GPA33: variants seen among roughly 807,000 people sequenced by gnomAD.
GPA33 encodes cell surface A33 antigen.
GPA33 carries 27 observed loss-of-function variants against 35.6 expected under a neutral mutation model. The ratio of observed to expected loss-of-function variants is 0.76; its 90% confidence interval spans 0.56 to 1.04. The LOEUF (loss-of-function observed/expected upper bound fraction) is 1.04, where lower values mean the gene tolerates loss of function less well. GPA33 is among the 50% of genes least tolerant of loss of function. GPA33 has a pLI of 0.00. For synonymous variants in GPA33, 176 were observed against 164.0 expected (o/e 1.07, Z -0.56); for missense variants, 428 against 411.9 (o/e 1.04, Z -0.34).
intron 4 of GPA33, among the ~76,000 whole-genome samples, chr1:167,056,599 G>T (rs202240829): frequency 0.049 from 4 of 82 alleles, no homozygotes; most frequent in Non-Finnish European, 0.069. Context: ...ATGTGTGTAT[G>T]TGGTGTGTGT....
chr1:167,068,067 T>C (rs937693397), intron 3 of GPA33, among the ~76,000 whole-genome samples: 2 of 152,004 alleles, frequency 1.3e-5, no homozygotes, highest in African/African-American at 4.8e-5. Flanking sequence ...AATAAAAATA[T>C]CTTAATTATT....
chr1:167,061,388 G>T (rs1230246543), intron 4 of GPA33, among the ~76,000 whole-genome samples: 2 of 152,242 alleles, frequency 1.3e-5, no homozygotes, highest in African/African-American at 4.8e-5. Context: ...GACCATGGCT[G>T]GAGTCACTAG....
chr1:167,060,521 A>T (rs530418679), intron 4 of GPA33, among the ~76,000 whole-genome samples: 82 of 152,342 alleles, frequency 5.4e-4, no homozygotes, highest in African/African-American at 1.9e-3. Flanking sequence ...GCAGGTCCCC[A>T]TTCTGACTCA....
chr1:167,056,615 G>GTATGTGTAGAGTGTGTAGTGTGTGGTGTA (rs1251146663), intron 4 of GPA33, among the ~76,000 whole-genome samples: 12 of 136,254 alleles, frequency 8.8e-5, no homozygotes, highest in East Asian at 2.3e-4. Flanking sequence ...TGTGTAGTGT[G>GTATGTGTAGAGTGTGTAGTGTGTGGTGTA]TGTGGTGAGT....
chr1:167,056,610 A>ATGGC (rs1558001657), intron 4 of GPA33, among the ~76,000 whole-genome samples: 32 of 506 alleles, frequency 0.063, no homozygotes, highest in East Asian at 0.14. Context: ...TGGTGTGTGT[A>ATGGC]GTGTGTGTGG....
intron 4 of GPA33, 22 bp downstream of exon 4, chr1:167,063,560 G>A (rs772500496): frequency 1.5e-5 from 24 of 1,582,438 alleles, no homozygotes; most frequent in East Asian, 2.3e-5. Context: ...TGGGGAGCCC[G>A]CCTTCCCTAC....
chr1:167,065,731 T>C (rs886467414), intron 3 of GPA33, among the ~76,000 whole-genome samples: 1 of 152,176 alleles, frequency 6.6e-6, no homozygotes, highest in Admixed American at 6.5e-5. Flanking sequence ...CATCTCCTGC[T>C]GCCATAGTGA....
In GPA33 at chr1:167,075,424, T is replaced by G. The variant is rs537517279; in HGVS notation, c.44-1885A>C. ...CAATGGGATTTGACTGCAGGCTACA[T>G]TTGGCGTGTTAGAGGAAAACAGGAG... On this transcript the variant is annotated intron_variant, in intron 1 of 6. Transcript: ENST00000367868. 2.0e-5 allele frequency among the ~76,000 whole-genome samples: 3 copies of G among 152,232 alleles called. No individual in the cohort carries two copies. In the South Asian group the frequency reaches 6.2e-4, roughly 32 times the overall value.
intron 1 of GPA33, among the ~76,000 whole-genome samples, chr1:167,086,560 G>A (rs1316743313): frequency 6.6e-6 from 1 of 152,238 alleles, no homozygotes; most frequent in Non-Finnish European, 1.5e-5. Flanking sequence ...GCACTTCAGA[G>A]CAGACAAGTG....
chr1:167,054,255 C>G lies in GPA33; in HGVS notation c.*79G>C. On this transcript the variant is annotated 3_prime_UTR_variant, in exon 7 of 7. Transcript: ENST00000367868. ...GGGATGGAGGGACAGGAGAACAGGGCTTAGAAAGGAGAAGGGAGGCCAGGA... is the reference window on the plus strand; with the variant it reads ...GGGATGGAGGGACAGGAGAACAGGGGTTAGAAAGGAGAAGGGAGGCCAGGA... 1.9e-6 allele frequency: 3 copies of G among 1,550,782 alleles called. No individual in the cohort carries two copies. Among genetic ancestry groups the G allele is most frequent in the Non-Finnish European group, 2.6e-6 (3 of 1,134,826 alleles).
At chr1:167,079,494 A>G (rs994684365) in intron 1 of GPA33, among the ~76,000 whole-genome samples, 2 of 147,420 alleles carry the variant, frequency 1.4e-5, no homozygotes, top group Admixed American at 6.7e-5. Context: ...CAAAAAAAAA[A>G]AAAAAAAGAA....
rs991199410 is a variant in GPA33 at position 167,055,961 on chromosome 1, T to A, written c.572-112A>T. The stretch of plus-strand genomic sequence containing the variant: ...GCACAACCTCTGCCACTGAGCTTCT[T>A]CAGGCCGGAGCCCCATGTCCACCTC... On this transcript the variant is annotated intron_variant, in intron 4 of 6. Transcript: ENST00000367868. The A allele has an allele frequency of 1.1e-5, 12 of 1,080,910 alleles. No homozygotes were observed. The South Asian group carries it at 1.7e-4, about 15-fold the overall frequency. The allele number at this position is 1,080,910 out of a possible 1,614,324, so 67.0% of individuals were successfully genotyped here. A position where few individuals can be genotyped will look rare whatever the true frequency, so the allele number is the denominator to read the frequency against.
At chr1:167,073,607 A>T in intron 1 of GPA33, 68 bp from the exon 2 acceptor site, 7 of 1,327,744 alleles carry the variant, frequency 5.3e-6, no homozygotes, top group Non-Finnish European at 7.4e-6. Flanking sequence ...CTCACTGCCC[A>T]CAGGACCACT....
At chr1:167,087,790 C>T (rs1667083924) in intron 1 of GPA33, among the ~76,000 whole-genome samples, 1 of 151,946 alleles carries the variant, frequency 6.6e-6, no homozygotes, top group Non-Finnish European at 1.5e-5. Flanking sequence ...GTGGTGCATG[C>T]CTGTAATCCC....
Position 167,055,864 on chromosome 1 carries a change from G to A in GPA33, c.572-15C>T, listed in dbSNP as rs750353487. 2 of 1,613,766 alleles carry A rather than the reference G, an allele frequency of 1.2e-6. No homozygotes were observed. Among genetic ancestry groups the A allele is most frequent in the Admixed American group, 1.7e-5 (1 of 60,022 alleles). On this transcript the variant is annotated splice_polypyrimidine_tract_variant and intron_variant, in intron 4 of 6. Coordinates refer to ENST00000367868, the MANE Select transcript of GPA33 (RefSeq NM_005814.3). ...CTGACCTGAGGCTGCAGGGGAAGAA[G>A]AGTCAGGGTGAAGAGAGGCACTACA...
intron 1 of GPA33, among the ~76,000 whole-genome samples, chr1:167,087,040 G>A (rs1450272910): frequency 6.6e-6 from 1 of 152,110 alleles, no homozygotes; most frequent in Non-Finnish European, 1.5e-5. Context: ...CTTTCATGAA[G>A]TCTGGTGGCT....
chr1:167,078,818 C>T (rs138039351), intron 1 of GPA33: 1 of 152,288 alleles, frequency 6.6e-6, no homozygotes, highest in Admixed American at 6.5e-5. Context: ...TACTTAAGAC[C>T]TCTGTGCCAC....
rs1463189259 is a variant in GPA33, at chr1:167,075,557, AGTTT to A, written c.44-2022_44-2019del. 2.0e-5 allele frequency among the ~76,000 whole-genome samples: 3 copies of A among 152,136 alleles called. No homozygotes were observed. In the East Asian group the frequency reaches 5.8e-4, roughly 29 times the overall value. ...AGGAAGTTTCAGGGGGCAGATCAGG[AGTTT>A]GTTTGAGGACTTGCAAAGTTTGAGA... On this transcript the variant is annotated intron_variant, in intron 1 of 6. Transcript: ENST00000367868.
intron 1 of GPA33, among the ~76,000 whole-genome samples, chr1:167,080,724 A>G (rs1666927890): frequency 6.6e-6 from 1 of 152,206 alleles, no homozygotes; most frequent in Non-Finnish European, 1.5e-5. Context: ...TTACCCTGGG[A>G]CATAAAGGAC....
Sources: allele counts gnomAD v4.1 joint callset (sites outside exome capture counted in the v4.1 genomes callset), GRCh38; gene constraint gnomAD v4.1.1; transcripts MANE v1.5; gene names NCBI Gene and HGNC (gene_info 2026-07-23, HGNC 2026-07-21).